DNAJC1: variants seen among roughly 807,000 people sequenced by gnomAD.
DNAJC1 encodes dnaJ homolog subfamily C member 1.
A neutral mutation model predicts 76.6 loss-of-function variants in DNAJC1; 58 were observed. The ratio of observed to expected loss-of-function variants is 0.76; its 90% confidence interval spans 0.61 to 0.94. The LOEUF is 0.94. DNAJC1 is among the 40% of genes least tolerant of loss of function. The pLI, the probability that DNAJC1 is intolerant of heterozygous loss-of-function variation, is 0.00. For synonymous variants in DNAJC1, 258 were observed against 267.9 expected (o/e 0.96, Z 0.36); for missense variants, 689 against 677.3 (o/e 1.02, Z -0.19).
chr10:21,986,091 G>T (rs1302301485), intron 1 of DNAJC1, among the ~76,000 whole-genome samples: 1 of 152,154 alleles, frequency 6.6e-6, no homozygotes, highest in Admixed American at 6.5e-5. Flanking sequence ...GCCGGGTGTG[G>T]TGGCGGGTGC....
chr10:21,985,248 C>CT lies in DNAJC1; in HGVS notation c.222+17964dup, dbSNP rs1190568148. Reference sequence around the variant, plus strand: ...CATCCCCAGACAAACCACTACCCTGCTTTTTTTTTTTTTTTTTTTGAAATG... The same window carrying CT: ...CATCCCCAGACAAACCACTACCCTGCTTTTTTTTTTTTTTTTTTTTGAAATG... On this transcript the variant is annotated intron_variant, in intron 1 of 11. Coordinates refer to ENST00000376980, the MANE Select transcript of DNAJC1 (RefSeq NM_022365.4). 4.1e-3 allele frequency among the ~76,000 whole-genome samples: 562 copies of CT among 136,090 alleles called. 2 individuals carry two copies. The highest frequency in any genetic ancestry group is 7.8e-3 in the African/African-American group (289 of 36,870). The allele number at this position is 136,090 out of a possible 152,430, so 89.3% of individuals were successfully genotyped here. A position where few individuals can be genotyped will look rare whatever the true frequency, so the allele number is the denominator to read the frequency against.
At chr10:21,830,646 T>G (rs1177552042) in intron 8 of DNAJC1, among the ~76,000 whole-genome samples, 1 of 152,228 alleles carries the variant, frequency 6.6e-6, no homozygotes, top group Admixed American at 6.5e-5. Flanking sequence ...CTGAAAAATC[T>G]GTCTTTTTAA....
At chr10:21,909,460 A>G (rs533948820) in intron 6 of DNAJC1, among the ~76,000 whole-genome samples, 3 of 152,356 alleles carry the variant, frequency 2.0e-5, no homozygotes, top group Admixed American at 2.0e-4. Flanking sequence ...AAATAACTAT[A>G]AATATTAACT....
At chr10:21,886,566 CA>C (rs200181606) in intron 7 of DNAJC1, among the ~76,000 whole-genome samples, 2,949 of 152,132 alleles carry the variant, frequency 0.019, 58 homozygotes, top group Admixed American at 0.054. Context: ...AACAGTGATG[CA>C]AAAATTACAA....
chr10:21,843,219 A>G (rs1272855080), intron 8 of DNAJC1, among the ~76,000 whole-genome samples: 2 of 152,216 alleles, frequency 1.3e-5, no homozygotes, highest in Non-Finnish European at 2.9e-5. Context: ...CGTCACATAC[A>G]TGTATATATT....
intron 8 of DNAJC1, among the ~76,000 whole-genome samples, chr10:21,843,970 C>T (rs1000574287): frequency 1.3e-5 from 2 of 152,094 alleles, no homozygotes; most frequent in Non-Finnish European, 2.9e-5. Context: ...GAGTTTCCCC[C>T]ATACTGTTCT....
intron 7 of DNAJC1, among the ~76,000 whole-genome samples, chr10:21,893,175 C>T (rs1164077428): frequency 1.3e-5 from 2 of 151,904 alleles, no homozygotes; most frequent in South Asian, 2.1e-4. Flanking sequence ...ACAGAGTATG[C>T]TTCCTAATGA....
rs372268259 is a variant in DNAJC1 at position 21,963,986 on chromosome 10, T to C, written c.223-34845A>G. Among the ~76,000 whole-genome samples the C allele has an allele frequency of 2.9e-4, 44 of 152,328 alleles. 3 individuals carry two copies. Among genetic ancestry groups the C allele is most frequent in the African/African-American group, 9.9e-4 (41 of 41,586 alleles). ...CCTTAGGGCATTCTTTCCCCACCCCTACTCCCCACACATTTTTGGAAGTCA... is the reference window on the plus strand; with the variant it reads ...CCTTAGGGCATTCTTTCCCCACCCCCACTCCCCACACATTTTTGGAAGTCA... On this transcript the variant is annotated intron_variant, in intron 1 of 11. Coordinates refer to ENST00000376980, the MANE Select transcript of DNAJC1 (RefSeq NM_022365.4).
At chr10:21,912,832 G>A (rs1553849) in intron 6 of DNAJC1, among the ~76,000 whole-genome samples, 2,465 of 151,976 alleles carry the variant, frequency 0.016, 166 homozygotes, top group East Asian at 0.13. Flanking sequence ...AGAAGCGAAG[G>A]GGCTAGAAAG....
At chr10:21,907,735 G>A (rs552694021) in intron 6 of DNAJC1, among the ~76,000 whole-genome samples, 12 of 151,360 alleles carry the variant, frequency 7.9e-5, no homozygotes, top group Admixed American at 2.0e-4. Flanking sequence ...CTAGCACTTC[G>A]GGAAGCCCAG....
intron 8 of DNAJC1, among the ~76,000 whole-genome samples, chr10:21,810,143 C>T (rs959968578): frequency 6.6e-6 from 1 of 152,108 alleles, no homozygotes; most frequent in Non-Finnish European, 1.5e-5. Flanking sequence ...TGGGGGCACA[C>T]AATTCCGTTC....
At chr10:21,909,541 C>T (rs1469813693) in intron 6 of DNAJC1, among the ~76,000 whole-genome samples, 4 of 152,156 alleles carry the variant, frequency 2.6e-5, no homozygotes, top group Non-Finnish European at 4.4e-5. Flanking sequence ...ACCCCTGCCC[C>T]GGCACAAAGT....
intron 1 of DNAJC1, among the ~76,000 whole-genome samples, chr10:21,929,884 TA>T (rs1473883724): frequency 1.3e-5 from 2 of 152,230 alleles, no homozygotes; most frequent in Non-Finnish European, 2.9e-5. Flanking sequence ...TTACATTTTA[TA>T]TAATCCTGTG....
chr10:21,762,813 T>C (rs571143557), intron 10 of DNAJC1, among the ~76,000 whole-genome samples: 1 of 152,378 alleles, frequency 6.6e-6, no homozygotes, highest in South Asian at 2.1e-4. Flanking sequence ...TTGAAAGATT[T>C]ACAGGTTAAA....
chr10:21,921,267 G>A (rs1837038329), intron 3 of DNAJC1, among the ~76,000 whole-genome samples: 1 of 151,808 alleles, frequency 6.6e-6, no homozygotes, highest in South Asian at 2.1e-4. Flanking sequence ...TAGTCTACCT[G>A]TCTACTAGTC....
chr10:21,830,273 A>G (rs1300728032), intron 8 of DNAJC1, among the ~76,000 whole-genome samples: 1 of 152,182 alleles, frequency 6.6e-6, no homozygotes, highest in Non-Finnish European at 1.5e-5. Flanking sequence ...AGTAGACTTC[A>G]TGGTAAGGGT....
chr10:21,920,947 T>A lies in DNAJC1; in HGVS notation c.388A>T (p.Ile130Phe). The A allele has an allele frequency of 6.2e-7, 1 of 1,610,872 alleles. No individual in the cohort carries two copies. Among genetic ancestry groups the A allele is most frequent in the East Asian group, 2.2e-5 (1 of 44,770 alleles). The change falls in exon 4 of 12, where the codon ATC (isoleucine) becomes TTC (phenylalanine). Residue 130 changes from isoleucine (I) to phenylalanine (F), a missense_variant. Physicochemically the swap from Ile to Phe is conservative, Grantham distance 21 (BLOSUM62 0). Transcript: ENST00000376980. ...TGTCGCCAATCTGGAAGTCCATTGA[T>A]CAGAATATCATCATACCTACAGTAC... The part of the protein sequence containing the change: ...ERRQRYDDIL[I>F]NGLPDWRQPV...
intron 9 of DNAJC1, among the ~76,000 whole-genome samples, chr10:21,795,970 CTTT>C (rs528288634): frequency 3.8e-5 from 5 of 132,852 alleles, no homozygotes; most frequent in Non-Finnish European, 6.5e-5. Flanking sequence ...GGGATTTCCG[CTTT>C]TTTTTTTTTT....
At chr10:21,835,099 C>T (rs1358857091) in intron 8 of DNAJC1, among the ~76,000 whole-genome samples, 2 of 152,150 alleles carry the variant, frequency 1.3e-5, no homozygotes, top group East Asian at 3.9e-4. Flanking sequence ...AATGACACCT[C>T]ACACAGCCGG....
Sources: allele counts gnomAD v4.1 joint callset (sites outside exome capture counted in the v4.1 genomes callset), GRCh38; gene constraint gnomAD v4.1.1; transcripts MANE v1.5; gene names NCBI Gene and HGNC (gene_info 2026-07-23, HGNC 2026-07-21).